Variants in ECPAS observed in about 807,000 individuals in gnomAD.
The protein encoded by ECPAS is proteasome adapter and scaffold protein ECM29.
ECPAS carries 70 observed loss-of-function variants against 255.1 expected under a neutral mutation model. The observed-to-expected ratio is 0.27, with a 90% CI of 0.23 to 0.33. The LOEUF (loss-of-function observed/expected upper bound fraction) is 0.33. ECPAS is among the 10% of genes least tolerant of loss of function. The probability of loss-of-function intolerance (pLI) is 1.00; values close to 1 mark genes in which losing one functional copy is unlikely to be tolerated. For missense variants in ECPAS, 1,817 were observed against 2,206.4 expected (o/e 0.82, Z 3.54); for synonymous variants, 784 against 775.0 (o/e 1.01, Z -0.19).
Position 111,366,232 on chromosome 9 carries a change from C to T in ECPAS, c.5308+7G>A, listed in dbSNP as rs368508184. On this transcript the variant is annotated splice_region_variant and intron_variant, in intron 48 of 49. Coordinates refer to ENST00000684092, the MANE Select transcript of ECPAS (RefSeq NM_001364929.1). ...CTCCCTCATCAGTTTTAGTTTACTA[C>T]ACTCACCTAAAGAATATGTGATTGA... is the stretch of plus-strand genomic sequence containing the variant. 6.5e-7 allele frequency: 1 copy of T among 1,541,004 alleles called. No homozygotes were observed. The highest frequency in any genetic ancestry group is 2.4e-5 in the East Asian group (1 of 42,090).
At chr9:111,407,719 A>G (rs912061605) in intron 24 of ECPAS, among the ~76,000 whole-genome samples, 4 of 152,134 alleles carry the variant, frequency 2.6e-5, no homozygotes, top group African/African-American at 9.7e-5. Flanking sequence ...ACTCTTCCTG[A>G]TAGAATTACA....
At chr9:111,469,702 G>A (rs1191706866) in intron 2 of ECPAS, among the ~76,000 whole-genome samples, 5 of 152,032 alleles carry the variant, frequency 3.3e-5, no homozygotes, top group East Asian at 3.9e-4. Flanking sequence ...CTAGCTACTC[G>A]GGAGGCTGAG....
intron 16 of ECPAS, among the ~76,000 whole-genome samples, chr9:111,418,933 T>A (rs762109883): frequency 2.4e-4 from 36 of 152,108 alleles, no homozygotes; most frequent in Non-Finnish European, 5.0e-4. Context: ...TTTAACCAGA[T>A]TGAAATGTGC....
intron 24 of ECPAS, among the ~76,000 whole-genome samples, chr9:111,402,225 GGTCCCTC>G (rs1463496602): frequency 6.6e-6 from 1 of 152,078 alleles, no homozygotes; most frequent in Non-Finnish European, 1.5e-5. Flanking sequence ...AGCTTCAGCC[GGTCCCTC>G]CACTTGGGGT....
intron 7 of ECPAS, among the ~76,000 whole-genome samples, chr9:111,435,592 G>C (rs2098236794): frequency 6.6e-6 from 1 of 152,010 alleles, no homozygotes; most frequent in Non-Finnish European, 1.5e-5. Flanking sequence ...GGGTTGCTCC[G>C]AGGGTTAAAT....
intron 1 of ECPAS, among the ~76,000 whole-genome samples, chr9:111,478,153 G>A (rs980965495): frequency 1.3e-5 from 2 of 151,178 alleles, no homozygotes; most frequent in Non-Finnish European, 2.9e-5. Flanking sequence ...TGACCACCTC[G>A]ACCTCCCAAA....
At chr9:111,397,551 A>C (rs1456300981) in intron 24 of ECPAS, among the ~76,000 whole-genome samples, 1 of 152,244 alleles carries the variant, frequency 6.6e-6, no homozygotes, top group African/African-American at 2.4e-5. Context: ...TGAGCCTCAA[A>C]AACTTCATTT....
In ECPAS at chr9:111,381,108, G is replaced by C. The variant is rs148161237; in HGVS notation, c.3803+2103C>G. On this transcript the variant is annotated intron_variant, in intron 35 of 49. Coordinates refer to ENST00000684092, the MANE Select transcript of ECPAS (RefSeq NM_001364929.1). ...TTGGCTGTTTGGCACAAGAGGCCTA[G>C]CTTTCAGCCTATCTCAGCTTTCATG... Among the ~76,000 whole-genome samples the C allele has an allele frequency of 2.8e-3, 429 of 152,346 alleles. 5 individuals carry two copies. Among genetic ancestry groups the C allele is most frequent in the African/African-American group, 9.9e-3 (412 of 41,586 alleles).
At chr9:111,443,531 G>C (rs1227677216) in intron 4 of ECPAS, among the ~76,000 whole-genome samples, 1 of 147,844 alleles carries the variant, frequency 6.8e-6, no homozygotes, top group African/African-American at 2.4e-5. Context: ...TTACAGGTAT[G>C]AGCCGACGTG....
At chr9:111,418,028 G>C in intron 16 of ECPAS, 22 bp from the exon 17 acceptor site, 1 of 1,554,504 alleles carries the variant, frequency 6.4e-7, no homozygotes, top group Non-Finnish European at 8.6e-7. Flanking sequence ...AGACAAATAA[G>C]AATAAAAAAT....
At chr9:111,411,354 A>G (rs1379959292) in intron 21 of ECPAS, among the ~76,000 whole-genome samples, 1 of 152,190 alleles carries the variant, frequency 6.6e-6, no homozygotes, top group Non-Finnish European at 1.5e-5. Flanking sequence ...GAGAAGCTGA[A>G]TCTTGATTCA....
rs777692159 is a variant in ECPAS, at chr9:111,437,001, C to G, written c.647G>C (p.Ser216Thr). The G allele has an allele frequency of 2.5e-6, 4 of 1,613,208 alleles. No individual in the cohort carries two copies. The highest frequency in any genetic ancestry group is 3.3e-5 in the Admixed American group (2 of 59,878). ...AATAACTCGTTTGGCTGCATAAAAGCTCATTCCCGGAGGAGGCTGTGGGAT... is the reference window on the plus strand; with the variant it reads ...AATAACTCGTTTGGCTGCATAAAAGGTCATTCCCGGAGGAGGCTGTGGGAT... Reference protein sequence around the residue: ...SGIPQPPPGMSFYAAKRVIGD... With the variant: ...SGIPQPPPGMTFYAAKRVIGD... Residue 216 changes from serine (S) to threonine (T), a missense_variant, in exon 7 of 50, where the codon AGC becomes ACC. Physicochemically the swap from Ser to Thr is moderately conservative, Grantham distance 58. Around this residue, in one of 4 missense-constraint regions of ECPAS, gnomAD observed 573 missense variants for 716.2 expected, o/e 0.80. Coordinates refer to ENST00000684092, the MANE Select transcript of ECPAS (RefSeq NM_001364929.1).
intron 9 of ECPAS, among the ~76,000 whole-genome samples, chr9:111,430,110 AATATC>A (rs1242137203): frequency 6.6e-6 from 1 of 152,244 alleles, no homozygotes; most frequent in African/African-American, 2.4e-5. Context: ...ATGGTTAAAA[AATATC>A]AAAGGAATAT....
chr9:111,418,605 T>A (rs777814794), intron 16 of ECPAS, among the ~76,000 whole-genome samples: 2 of 152,212 alleles, frequency 1.3e-5, no homozygotes, highest in African/African-American at 2.4e-5. Context: ...AAAGAAAGAA[T>A]TAATAAATAA....
At chr9:111,428,318 A>T (rs1216562847) in intron 9 of ECPAS, among the ~76,000 whole-genome samples, 157 bp from the exon 10 acceptor site, 1 of 152,226 alleles carries the variant, frequency 6.6e-6, no homozygotes, top group Non-Finnish European at 1.5e-5. Flanking sequence ...GCTTCTGTTT[A>T]TATCTGTGTA....
chr9:111,393,685 T>C lies in ECPAS; in HGVS notation c.2972A>G (p.Asn991Ser). ...ATCAAATATTAACAACCTACCATCATTTTCTGATAGAACTGAAACAAATGC... is the reference window on the plus strand; with the variant it reads ...ATCAAATATTAACAACCTACCATCACTTTCTGATAGAACTGAAACAAATGC... ...QSAFVSVLSE[N>S]DELSQDVASK... Residue 991 changes from asparagine (N) to serine (S), a missense_variant, in exon 27 of 50, where the codon AAT becomes AGT. This residue lies in a region of ECPAS where 960 missense variants were observed against 1,179.0 expected (regional missense o/e 0.81). Coordinates refer to ENST00000684092, the MANE Select transcript of ECPAS (RefSeq NM_001364929.1). 6.4e-7 allele frequency: 1 copy of C among 1,566,234 alleles called. No individual in the cohort carries two copies. Among genetic ancestry groups the C allele is most frequent in the African/African-American group, 1.4e-5 (1 of 73,946 alleles).
chr9:111,414,379 AT>A, intron 19 of ECPAS, 49 bp downstream of exon 19: 1 of 1,486,582 alleles, frequency 6.7e-7, no homozygotes, highest in Non-Finnish European at 9.3e-7. Context: ...TTAAAATTAG[AT>A]TTTTGCTTAA....
In ECPAS at chr9:111,422,159, T is replaced by C; in HGVS notation, c.1307A>G (p.Gln436Arg). ...CTTGCAAAGGGCTTCAAAAAGCTGC[T>C]GCACAAGCGCTATATCCTTAGTGAA... The part of the protein sequence containing the change: ...HLFTKDIALV[Q>R]QLFEALCKEE... The change falls in exon 14 of 50, where the codon CAG becomes CGG. Residue 436 changes from glutamine to arginine, a missense_variant. Gln to Arg is a conservative substitution (Grantham distance 43). This residue lies in a region of ECPAS where 573 missense variants were observed against 716.2 expected (regional missense o/e 0.80). Coordinates refer to ENST00000684092, the MANE Select transcript of ECPAS (RefSeq NM_001364929.1). 1 of 1,613,860 alleles carries C rather than the reference T, an allele frequency of 6.2e-7. No homozygotes were observed. The highest frequency in any genetic ancestry group is 8.5e-7 in the Non-Finnish European group (1 of 1,179,816).
intron 1 of ECPAS, among the ~76,000 whole-genome samples, chr9:111,483,272 G>A (rs1311755298): frequency 6.6e-6 from 1 of 151,980 alleles, no homozygotes; most frequent in Non-Finnish European, 1.5e-5. Flanking sequence ...CTCCGCCCGG[G>A]GCTCCGGTTT....
Sources: allele counts gnomAD v4.1 joint callset (sites outside exome capture counted in the v4.1 genomes callset), GRCh38; gene constraint gnomAD v4.1.1; regional missense constraint gnomAD v4.1.1; transcripts MANE v1.5; gene names NCBI Gene and HGNC (gene_info 2026-07-23, HGNC 2026-07-21).